ESR1: variants seen among roughly 807,000 people sequenced by gnomAD.
ESR1 encodes the protein estrogen receptor.
Under a neutral mutation model 52.7 loss-of-function variants are expected in ESR1, and 12 were observed. The ratio of observed to expected loss-of-function variants is 0.23; its 90% confidence interval spans 0.15 to 0.37. The LOEUF (loss-of-function observed/expected upper bound fraction) is 0.37. ESR1 is among the 10% of genes least tolerant of loss of function. The pLI is 1.00. For synonymous variants in ESR1, 305 were observed against 316.8 expected (o/e 0.96, Z 0.39); for missense variants, 584 against 779.7 (o/e 0.75, Z 2.99).
chr6:151,758,553 G>A (rs1355636186), intron 2 of ESR1, among the ~76,000 whole-genome samples: 1 of 152,038 alleles, frequency 6.6e-6, no homozygotes, highest in Non-Finnish European at 1.5e-5. Context: ...CTGAGGTCAG[G>A]AGTTCGAGAC....
At chr6:151,850,092 A>ACAAAATTATATATATATT in intron 2 of ESR1, among the ~76,000 whole-genome samples, 1 of 14,946 alleles carries the variant, frequency 6.7e-5, no homozygotes, top group Non-Finnish European at 1.5e-4. Flanking sequence ...ATATATATAT[A>ACAAAATTATATATATATT]ATTTTATATA....
At chr6:152,077,588 G>A (rs796141082) in intron 6 of ESR1, among the ~76,000 whole-genome samples, 21 of 152,316 alleles carry the variant, frequency 1.4e-4, no homozygotes, top group African/African-American at 4.1e-4. Context: ...AGCAGTCAGG[G>A]TTGGAGGTGG....
intron 5 of ESR1, among the ~76,000 whole-genome samples, chr6:152,039,258 G>A (rs540135702): frequency 1.3e-5 from 2 of 152,064 alleles, no homozygotes; most frequent in South Asian, 2.1e-4. Flanking sequence ...TGCCTGGATC[G>A]AGTTGTTGTC....
intron 1 of ESR1, among the ~76,000 whole-genome samples, chr6:151,675,051 A>G (rs955994350): frequency 2.6e-5 from 4 of 152,244 alleles, no homozygotes; most frequent in African/African-American, 9.6e-5. Flanking sequence ...ATTTAAAAAT[A>G]TATAATATGG....
At chr6:151,700,089 A>AG (rs968296772) in intron 1 of ESR1, among the ~76,000 whole-genome samples, 14 of 152,098 alleles carry the variant, frequency 9.2e-5, no homozygotes, top group African/African-American at 3.4e-4. Context: ...AAAAAAAAAA[A>AG]AAGAGTTCAT....
chr6:151,853,850 C>T (rs1213837695), intron 2 of ESR1, among the ~76,000 whole-genome samples: 1 of 152,090 alleles, frequency 6.6e-6, no homozygotes, highest in Non-Finnish European at 1.5e-5. Context: ...GAGTTTGTGC[C>T]CACATATGGT....
chr6:152,076,705 G>T (rs2048762070), intron 6 of ESR1, among the ~76,000 whole-genome samples: 1 of 152,168 alleles, frequency 6.6e-6, no homozygotes, highest in South Asian at 2.1e-4. Flanking sequence ...GGGAAGTGGA[G>T]CAAAGGTGAC....
Position 152,061,516 on chromosome 6 carries a change from AAG to A in ESR1, c.1369+395_1369+396del, listed in dbSNP as rs1345188373. Among the ~76,000 whole-genome samples the A allele has an allele frequency of 6.6e-6, 1 of 152,254 alleles. No homozygotes were observed. The highest frequency in any genetic ancestry group is 1.5e-5 in the Non-Finnish European group (1 of 68,050). ...AATTCCAGGCTCCAGATAGTAAAGA[AAG>A]AGGGTTATTTGAGACAGACCATGTT... On this transcript the variant is annotated intron_variant, in intron 6 of 7. Transcript: ENST00000206249. The surrounding 1 kb of genome is among the most constrained non-coding windows in gnomAD (Gnocchi z 4.3).
intron 2 of ESR1, among the ~76,000 whole-genome samples, chr6:151,852,159 T>G (rs1459190006): frequency 6.6e-6 from 1 of 152,090 alleles, no homozygotes; most frequent in East Asian, 1.9e-4. Flanking sequence ...GTAGGATAAG[T>G]TCAATTCTAG....
chr6:151,897,160 G>T (rs1186473273), intron 3 of ESR1, among the ~76,000 whole-genome samples: 1 of 152,196 alleles, frequency 6.6e-6, no homozygotes, highest in African/African-American at 2.4e-5. Context: ...TTCTGTGGTT[G>T]TTGGGTAGAA....
intron 2 of ESR1, among the ~76,000 whole-genome samples, chr6:151,872,871 T>C (rs1674285855): frequency 1.3e-5 from 2 of 152,180 alleles, no homozygotes; most frequent in South Asian, 4.1e-4. Flanking sequence ...CCGTTGTGGC[T>C]GGGGAGTTGG....
chr6:151,840,520 A>C (rs1353298680), intron 1 of ESR1, among the ~76,000 whole-genome samples: 1 of 152,246 alleles, frequency 6.6e-6, no homozygotes, highest in Non-Finnish European at 1.5e-5. Context: ...TATTTTGTGA[A>C]TATTATGGCA....
chr6:151,761,833 TG>T (rs1490390400), intron 2 of ESR1, among the ~76,000 whole-genome samples: 2 of 152,108 alleles, frequency 1.3e-5, no homozygotes, highest in African/African-American at 4.8e-5. Flanking sequence ...ACAGGGAGGG[TG>T]TGTTATGACA....
At chr6:151,861,588 G>A (rs964941869) in intron 2 of ESR1, among the ~76,000 whole-genome samples, 2 of 152,156 alleles carry the variant, frequency 1.3e-5, no homozygotes, top group Admixed American at 1.3e-4. Flanking sequence ...GGCAGCAGAG[G>A]TGACCACGTT....
chr6:151,776,982 A>G (rs1231324814), intron 2 of ESR1, among the ~76,000 whole-genome samples: 1 of 152,100 alleles, frequency 6.6e-6, no homozygotes, highest in East Asian at 1.9e-4. Context: ...TGGGATAGGC[A>G]AAAAGGTACA....
chr6:151,858,581 GTT>G (rs11354030), intron 2 of ESR1, among the ~76,000 whole-genome samples: 1,577 of 134,008 alleles, frequency 0.012, 8 homozygotes, highest in Non-Finnish European at 0.016. Flanking sequence ...ATCCGTTCCT[GTT>G]TTTTTTTTTT....
chr6:151,746,700 TA>T (rs1013368256), intron 2 of ESR1, among the ~76,000 whole-genome samples: 7 of 152,218 alleles, frequency 4.6e-5, no homozygotes, highest in Admixed American at 4.6e-4. Context: ...TTTAAAGTAT[TA>T]TGAGAGAAAA....
chr6:151,657,049 T>G (rs1384849797), intron 1 of ESR1, among the ~76,000 whole-genome samples: 2 of 152,188 alleles, frequency 1.3e-5, no homozygotes, highest in African/African-American at 4.8e-5. Context: ...GACTGTAAAG[T>G]TAGCCAAACA....
chr6:151,775,704 C>T (rs1293658581), intron 2 of ESR1, among the ~76,000 whole-genome samples: 1 of 151,350 alleles, frequency 6.6e-6, no homozygotes, highest in Non-Finnish European at 1.5e-5. Flanking sequence ...CGAGATCGCG[C>T]CACTGCACTC....
Sources: gnomAD v4.1 joint callset for allele counts (sites outside exome capture counted in the v4.1 genomes callset) on GRCh38, gnomAD v4.1.1 for gene constraint, Gnocchi (gnomAD v3.1) non-coding constraint, MANE v1.5 for transcripts, NCBI Gene and HGNC (gene_info 2026-07-23, HGNC 2026-07-21) for gene names.